LINGO2: variants seen among roughly 807,000 people sequenced by gnomAD.
LINGO2 encodes leucine rich repeat and Ig domain containing 2.
LINGO2 carries 14 observed loss-of-function variants against 30.6 expected under a neutral mutation model. The observed-to-expected ratio is 0.46, with a 90% CI of 0.30 to 0.72. The LOEUF (loss-of-function observed/expected upper bound fraction) is 0.72, where lower values mean the gene tolerates loss of function less well. Ranked by LOEUF, LINGO2 falls within the 30% of genes least tolerant of loss-of-function variation. LINGO2 has a pLI of 0.07. For synonymous variants in LINGO2, 317 were observed against 288.5 expected (o/e 1.10, Z -1.00); for missense variants, 729 against 751.7 (o/e 0.97, Z 0.35).
intron 2 of LINGO2, among the ~76,000 whole-genome samples, chr9:28,468,814 C>G (rs1315628677): frequency 6.6e-6 from 1 of 152,134 alleles, no homozygotes; most frequent in African/African-American, 2.4e-5. Context: ...AGTAAGTTTT[C>G]CCCTGCACAG....
downstream of LINGO2, among the ~76,000 whole-genome samples, chr9:27,945,238 G>T (rs977206312): frequency 5.3e-5 from 8 of 152,028 alleles, no homozygotes; most frequent in South Asian, 4.1e-4. Context: ...TCTCTCTTTT[G>T]TTCCTCTGAT....
At chr9:29,171,920 G>A in the LINGO2 span, among the ~76,000 whole-genome samples, 4 of 151,808 alleles carry the variant, frequency 2.6e-5, no homozygotes, top group East Asian at 7.7e-4. Context: ...TATAATACAT[G>A]TTAATGTATT....
At chr9:29,071,976 T>A in the LINGO2 span, among the ~76,000 whole-genome samples, 1 of 152,202 alleles carries the variant, frequency 6.6e-6, no homozygotes, top group East Asian at 1.9e-4. Flanking sequence ...AGAAGAAACC[T>A]TTTTATTATC....
chr9:28,039,868 A>G (rs1233201462), intron 4 of LINGO2, among the ~76,000 whole-genome samples: 1 of 152,006 alleles, frequency 6.6e-6, no homozygotes, highest in Non-Finnish European at 1.5e-5. Context: ...TCCTCTTTGG[A>G]GTGTCCCTCT....
the LINGO2 span, among the ~76,000 whole-genome samples, chr9:29,082,076 T>A: frequency 1.3e-5 from 2 of 152,028 alleles, no homozygotes; most frequent in Admixed American, 1.3e-4. Flanking sequence ...TGGAAAAAAC[T>A]ACTTTAAAGT....
the LINGO2 span, among the ~76,000 whole-genome samples, chr9:29,048,956 T>C: frequency 6.6e-6 from 1 of 152,056 alleles, no homozygotes. Context: ...AAAGCAAACA[T>C]GGACAAATGG....
chr9:28,050,562 T>TC (rs1380209839), intron 4 of LINGO2, among the ~76,000 whole-genome samples: 1 of 150,720 alleles, frequency 6.6e-6, no homozygotes, highest in Non-Finnish European at 1.5e-5. Flanking sequence ...AGGGTTCTAA[T>TC]CCCCTCCATA....
the LINGO2 span, among the ~76,000 whole-genome samples, chr9:28,731,364 AT>A: frequency 6.6e-6 from 1 of 152,178 alleles, no homozygotes; most frequent in Non-Finnish European, 1.5e-5. Flanking sequence ...CTACTCAGCA[AT>A]AAAATGGAAG....
the LINGO2 span, among the ~76,000 whole-genome samples, chr9:29,053,098 G>A: frequency 6.6e-6 from 1 of 151,832 alleles, no homozygotes; most frequent in Non-Finnish European, 1.5e-5. Context: ...TGAGTGTCAG[G>A]ATGTTGCAAG....
At chr9:28,255,756 C>A (rs1003463179) in intron 4 of LINGO2, among the ~76,000 whole-genome samples, 3 of 151,994 alleles carry the variant, frequency 2.0e-5, no homozygotes, top group African/African-American at 7.2e-5. Context: ...AATTCTATTT[C>A]CTGATCTTGA....
At chr9:27,955,347 A>G (rs1317671141) in intron 5 of LINGO2, among the ~76,000 whole-genome samples, 1 of 152,134 alleles carries the variant, frequency 6.6e-6, no homozygotes, top group Non-Finnish European at 1.5e-5. Context: ...AAACGTGTCA[A>G]TCGTTTGATT....
intron 3 of LINGO2, among the ~76,000 whole-genome samples, chr9:28,355,582 G>C (rs187853596): frequency 6.6e-6 from 1 of 152,176 alleles, no homozygotes; most frequent in East Asian, 1.9e-4. Context: ...AGGTGGGTCT[G>C]CAAATAATAT....
At chr9:27,976,662 C>G (rs999944510) in intron 5 of LINGO2, among the ~76,000 whole-genome samples, 2 of 152,160 alleles carry the variant, frequency 1.3e-5, no homozygotes, top group African/African-American at 4.8e-5. Flanking sequence ...CTGGTTCCAT[C>G]ATCTCTACTT....
chr9:28,055,179 G>T (rs1360674748), intron 4 of LINGO2, among the ~76,000 whole-genome samples: 1 of 152,060 alleles, frequency 6.6e-6, no homozygotes, highest in East Asian at 1.9e-4. Flanking sequence ...TATGTAAATT[G>T]GCTTAATTTT....
At chr9:28,250,242 C>A (rs1262912789) in intron 4 of LINGO2, among the ~76,000 whole-genome samples, 1 of 152,196 alleles carries the variant, frequency 6.6e-6, no homozygotes, top group Non-Finnish European at 1.5e-5. Context: ...AGAGAGACTT[C>A]TGCTTCCAGG....
chr9:29,099,227 G>A, the LINGO2 span, among the ~76,000 whole-genome samples: 1 of 152,160 alleles, frequency 6.6e-6, no homozygotes, highest in African/African-American at 2.4e-5. Context: ...CCTACAGGGT[G>A]AAATCAAAAT....
At chr9:29,031,751 C>T in the LINGO2 span, among the ~76,000 whole-genome samples, 4 of 152,070 alleles carry the variant, frequency 2.6e-5, no homozygotes, top group African/African-American at 9.7e-5. Context: ...CAGTCTAACA[C>T]AGCTCTTCCG....
the LINGO2 span, among the ~76,000 whole-genome samples, chr9:29,095,428 A>AAATAAT: frequency 5.1e-5 from 7 of 136,526 alleles, no homozygotes; most frequent in African/African-American, 1.9e-4. Flanking sequence ...AGGATAAGGA[A>AAATAAT]AATAATAATA....
At chr9:29,092,269 G>C in the LINGO2 span, among the ~76,000 whole-genome samples, 3 of 151,862 alleles carry the variant, frequency 2.0e-5, no homozygotes, top group African/African-American at 7.2e-5. Flanking sequence ...AAGTGTGCTG[G>C]GCTCCAAAGT....
Sources: gnomAD v4.1 joint callset for allele counts (sites outside exome capture counted in the v4.1 genomes callset) on GRCh38, gnomAD v4.1.1 for gene constraint, MANE v1.5 for transcripts, NCBI Gene and HGNC (gene_info 2026-07-23, HGNC 2026-07-21) for gene names.